MUTYH: variants seen among roughly 807,000 people sequenced by gnomAD.
MUTYH encodes adenine DNA glycosylase.
Under a neutral mutation model 72.9 loss-of-function variants are expected in MUTYH, and 64 were observed. That is an observed-to-expected ratio of 0.88 (90% CI 0.72 to 1.08). The LOEUF (loss-of-function observed/expected upper bound fraction) is 1.08. MUTYH is among the 50% of genes least tolerant of loss of function. The probability of loss-of-function intolerance (pLI) is 0.00; values close to 1 mark genes in which losing one functional copy is unlikely to be tolerated. For missense variants in MUTYH, 633 were observed against 671.0 expected (o/e 0.94, Z 0.63); for synonymous variants, 234 against 263.1 (o/e 0.89, Z 1.07).
At chr1:45,334,741 C>A (rs1645627223) in intron 1 of MUTYH, among the ~76,000 whole-genome samples, 1 of 152,200 alleles carries the variant, frequency 6.6e-6, no homozygotes, top group South Asian at 2.1e-4. Context: ...GCCCTGGAGA[C>A]ATGCAAAGAC....
At position 45,330,519 on chromosome 1, in the gene MUTYH, A is replaced by G. The variant is rs777894673; in HGVS notation, c.1431T>C (p.Cys477=). 4 of 1,609,444 alleles carry G rather than the reference A, an allele frequency of 2.5e-6. No individual in the cohort carries two copies. Among genetic ancestry groups the G allele is most frequent in the South Asian group, 2.2e-5 (2 of 90,024 alleles). The change falls in exon 15 of 16, where the codon TGT becomes TGC. Residue 477 remains cysteine, a synonymous_variant. Transcript: ENST00000456914. The part of the protein sequence containing the change: ...RVYQGQQPGT[C]MGSKRSQVSS... ...GGGAGAGGCCTAGGAGACTTACCAT[A>G]CAGGTCCCTGGCTGTTGGCCCTGAT...
intron 11 of MUTYH, 23 bp from the exon 12 acceptor site, chr1:45,331,872 C>G (rs370539463): frequency 1.9e-6 from 3 of 1,601,376 alleles, no homozygotes; most frequent in Middle Eastern, 3.6e-4. Flanking sequence ...ATCCCCGAAC[C>G]CTACTCAAGC....
chr1:45,334,885 G>A (rs1052604810), intron 1 of MUTYH, among the ~76,000 whole-genome samples: 6 of 152,076 alleles, frequency 3.9e-5, no homozygotes, highest in Admixed American at 2.0e-4. Context: ...GGGGGTAGGC[G>A]GTTTCTCTGC....
intron 1 of MUTYH, chr1:45,338,087 T>C: frequency 2.0e-6 from 1 of 493,904 alleles, no homozygotes; most frequent in East Asian, 4.7e-5. Context: ...GTACAGTAAG[T>C]AGGTCAATGT....
At chr1:45,340,295 G>A, upstream of MUTYH, 1 of 1,613,208 alleles carries the variant, frequency 6.2e-7, no homozygotes, top group Non-Finnish European at 8.5e-7. Context: ...AGCTCCCGCA[G>A]CTTCCGACGG....
chr1:45,339,676 T>C (rs1646637252), intron 1 of MUTYH: 5 of 457,384 alleles, frequency 1.1e-5, no homozygotes, highest in Non-Finnish European at 2.0e-5. Context: ...CGGTCGCTCT[T>C]ACACCCTGGG....
In MUTYH at chr1:45,331,257, G is replaced by A. The variant is rs1570365114; in HGVS notation, c.1317C>T (p.Thr439=). Residue 439 remains threonine (T), a synonymous_variant, in exon 14 of 16, where the codon ACC becomes ACT. Transcript: ENST00000456914. ...GCCAGCGAGCACCTGGTGGTACGGT[G>A]GTCACTGGGGTCTGCCCTTCCAAGG... ...GLALEGQTPV[T]TVPPGARWLT... 6.2e-7 allele frequency: 1 copy of A among 1,614,230 alleles called. No individual in the cohort carries two copies. The highest frequency in any genetic ancestry group is 1.1e-5 in the South Asian group (1 of 91,086).
chr1:45,333,707 A>G (rs1645416548), intron 2 of MUTYH, 146 bp from the exon 3 acceptor site: 2 of 1,229,944 alleles, frequency 1.6e-6, no homozygotes, highest in African/African-American at 3.0e-5. Flanking sequence ...GTCAGACCAG[A>G]GTTATGTAAT....
rs1481167152 is a variant in MUTYH at position 45,331,169 on chromosome 1, A to G, written c.1392+13T>C. On this transcript the variant is annotated intron_variant, in intron 14 of 15. Transcript: ENST00000456914. ...AACACAAGGAAGTACAACAAAGACA[A>G]CAAAGGTAGTGCCTTTTTCATGGCG... 1 of 1,614,198 alleles carries G rather than the reference A, an allele frequency of 6.2e-7. No individual in the cohort carries two copies. Among genetic ancestry groups the G allele is most frequent in the Non-Finnish European group, 8.5e-7 (1 of 1,179,996 alleles).
Position 45,333,596 on chromosome 1 carries a change from T to G in MUTYH, c.116-35A>C, listed in dbSNP as rs751914222. 6.2e-7 allele frequency: 1 copy of G among 1,607,546 alleles called. No homozygotes were observed. Among genetic ancestry groups the G allele is most frequent in the Non-Finnish European group, 8.5e-7 (1 of 1,175,824 alleles). On this transcript the variant is annotated intron_variant, in intron 2 of 15. Coordinates refer to ENST00000456914, the MANE Select transcript of MUTYH (RefSeq NM_001048174.2). ...CCCCAGGACACTCAGCAATCATCCC[T>G]GCACAGGCTGTGCATCAGGGTCTTG...
chr1:45,332,448 C>T lies in MUTYH; in HGVS notation c.647G>A (p.Cys216Tyr), dbSNP rs375346290. Residue 216 changes from cysteine to tyrosine, a missense_variant, in exon 9 of 16, where the codon TGC (cysteine) becomes TAC (tyrosine). Cys to Tyr is a radical substitution (Grantham distance 194). Coordinates refer to ENST00000456914, the MANE Select transcript of MUTYH (RefSeq NM_001048174.2). ...ATCAGCACCAATGGCTCGGACACGG[C>T]ACAGCACCCGTGCTACGTTGCCATC... ...VVDGNVARVL[C>Y]RVRAIGADPS... 6.2e-7 allele frequency: 1 copy of T among 1,614,140 alleles called. No homozygotes were observed. Among genetic ancestry groups the T allele is most frequent in the Non-Finnish European group, 8.5e-7 (1 of 1,180,006 alleles).
rs765058895 is a variant in MUTYH, at chr1:45,329,285, G to C, written c.*21C>G. ...CTTTACTAACAACAGGATTCTCAGG[G>C]AATGGGGGCTTTCAGAGGTGTCACT... On this transcript the variant is annotated 3_prime_UTR_variant, in exon 16 of 16. Transcript: ENST00000456914. 6.2e-6 allele frequency: 10 copies of C among 1,614,032 alleles called. No individual in the cohort carries two copies. In the Admixed American group the frequency reaches 1.0e-4, roughly 16 times the overall value.
rs760430312 is a variant in MUTYH, at chr1:45,331,643, C to T, written c.1102+18G>A. Reference sequence around the variant, plus strand: ...TTGTTACTCATGCCACTGCCCTCCACGCCCAGTATCCAGGTACCTGAGTTG... The same window carrying T: ...TTGTTACTCATGCCACTGCCCTCCATGCCCAGTATCCAGGTACCTGAGTTG... On this transcript the variant is annotated intron_variant, in intron 12 of 15. Transcript: ENST00000456914. The T allele has an allele frequency of 1.1e-5, 17 of 1,613,416 alleles. No homozygotes were observed. The highest frequency in any genetic ancestry group is 6.7e-5 in the African/African-American group (5 of 74,946).
chr1:45,338,963 C>T (rs1040485455), intron 1 of MUTYH, among the ~76,000 whole-genome samples: 12 of 152,008 alleles, frequency 7.9e-5, no homozygotes, highest in Non-Finnish European at 1.3e-4. Context: ...GACAAGGTTT[C>T]ACTATGTTGC....
chr1:45,336,828 A>G (rs1057212024), intron 1 of MUTYH, among the ~76,000 whole-genome samples: 5 of 151,966 alleles, frequency 3.3e-5, no homozygotes, highest in African/African-American at 1.2e-4. Context: ...TGGTATATAA[A>G]CTCACGAACT....
intron 9 of MUTYH, 34 bp downstream of exon 9, chr1:45,332,357 C>T: frequency 6.2e-7 from 1 of 1,614,134 alleles, no homozygotes; most frequent in Non-Finnish European, 8.5e-7. Flanking sequence ...TTTGCAGACA[C>T]CCCTGAAGCA....
In MUTYH at chr1:45,332,744, C is replaced by T. The variant is rs1241875704; in HGVS notation, c.492+19G>A. The T allele has an allele frequency of 6.2e-7, 1 of 1,614,146 alleles. No individual in the cohort carries two copies. Among genetic ancestry groups the T allele is most frequent in the Admixed American group, 1.7e-5 (1 of 60,016 alleles). ...ACACCCAAGACTCCTGGGTTCCTAC[C>T]CTCCTGCCATCCCCTTACCTTCCGA... On this transcript the variant is annotated intron_variant, in intron 7 of 15. Coordinates refer to ENST00000456914, the MANE Select transcript of MUTYH (RefSeq NM_001048174.2).
chr1:45,339,995 G>T, upstream of MUTYH: 1 of 1,536,150 alleles, frequency 6.5e-7, no homozygotes, highest in Non-Finnish European at 8.8e-7. Flanking sequence ...GCTCTAGCGC[G>T]CCCGGCTTTC....
At chr1:45,337,733 C>T (rs1646116156) in intron 1 of MUTYH, among the ~76,000 whole-genome samples, 1 of 151,830 alleles carries the variant, frequency 6.6e-6, no homozygotes, top group African/African-American at 2.4e-5. Context: ...GACCTTGTCT[C>T]TTAAAGAAAA....
Sources: gnomAD v4.1 joint callset for allele counts (sites outside exome capture counted in the v4.1 genomes callset) on GRCh38, gnomAD v4.1.1 for gene constraint, MANE v1.5 for transcripts, NCBI Gene and HGNC (gene_info 2026-07-23, HGNC 2026-07-21) for gene names.